TMEM204: variants seen among roughly 807,000 people sequenced by gnomAD.
TMEM204 encodes the protein claudin-like protein 24.
A neutral mutation model predicts 19.4 loss-of-function variants in TMEM204; 15 were observed. The observed-to-expected ratio is 0.77, with a 90% CI of 0.52 to 1.19. The LOEUF (loss-of-function observed/expected upper bound fraction) is 1.19, where lower values mean the gene tolerates loss of function less well. TMEM204 is among the 50% of genes most tolerant of loss of function. TMEM204 has a pLI of 0.00. For missense variants in TMEM204, 287 were observed against 321.2 expected, an observed-to-expected ratio of 0.89 and a Z score of 0.81; for synonymous variants, 161 against 146.0, an observed-to-expected ratio of 1.10 and a Z score of -0.74.
At chr16:1,541,337 T>G in intron 1 of TMEM204, 1 of 985,352 alleles carries the variant, frequency 1.0e-6, no homozygotes, top group South Asian at 4.7e-5. Context: ...GCTCAGCCCC[T>G]TGCTGGTTAT....
In TMEM204 at chr16:1,553,939, A is replaced by C; in HGVS notation, c.437-843A>C. The C allele has an allele frequency of 3.9e-6, 5 of 1,286,264 alleles. No individual in the cohort carries two copies. Among genetic ancestry groups the C allele is most frequent in the Non-Finnish European group, 5.1e-6 (5 of 987,938 alleles). The allele number at this position is 1,286,264 out of a possible 1,614,324, so 79.7% of individuals were successfully genotyped here. ...GGTCTTTGGAGCTCCTCAAAGATAA[A>C]ACTGTAAGTGAAACTGTAGCATCAG... On this transcript the variant is annotated intron_variant, in intron 2 of 2. Transcript: ENST00000566264. This position sits in a 1 kb window ranked among gnomAD's most constrained non-coding sequence, Gnocchi z 4.4.
At chr16:1,546,980 A>G (rs1415466548) in intron 2 of TMEM204, among the ~76,000 whole-genome samples, 1 of 152,188 alleles carries the variant, frequency 6.6e-6, no homozygotes, top group Non-Finnish European at 1.5e-5. Context: ...CGGTGCTCAC[A>G]TGACACTCTC....
chr16:1,542,657 G>A (rs1001768471), intron 2 of TMEM204, among the ~76,000 whole-genome samples: 5 of 152,268 alleles, frequency 3.3e-5, no homozygotes, highest in African/African-American at 2.4e-5. Context: ...GTGAGAACAC[G>A]CTAGCACGTT....
intron 2 of TMEM204, chr16:1,554,187 C>T: frequency 8.1e-7 from 1 of 1,228,988 alleles, no homozygotes; most frequent in East Asian, 5.7e-5. Flanking sequence ...TCCGCCCTGC[C>T]TGAGCTGCAG....
intron 2 of TMEM204, among the ~76,000 whole-genome samples, chr16:1,544,740 C>T (rs1010922204): frequency 3.9e-5 from 6 of 151,918 alleles, no homozygotes; most frequent in African/African-American, 1.5e-4. Flanking sequence ...GCTCCGCCTC[C>T]CGGGTTCACG....
At chr16:1,529,770 T>A (rs1228559206), upstream of TMEM204, among the ~76,000 whole-genome samples, 1 of 152,186 alleles carries the variant, frequency 6.6e-6, no homozygotes. Context: ...AAAACTAGTT[T>A]ATAAACGGCT....
intron 2 of TMEM204, among the ~76,000 whole-genome samples, chr16:1,552,460 T>A (rs1321069107): frequency 6.6e-6 from 1 of 152,034 alleles, no homozygotes; most frequent in African/African-American, 2.4e-5. Flanking sequence ...CGGCAGAAAG[T>A]GCCAGACCCC....
At chr16:1,544,248 A>G (rs2031940381) in intron 2 of TMEM204, among the ~76,000 whole-genome samples, 1 of 149,996 alleles carries the variant, frequency 6.7e-6, no homozygotes, top group Non-Finnish European at 1.5e-5. Context: ...CCGTGGCACA[A>G]TCTCGGCTCA....
intron 2 of TMEM204, among the ~76,000 whole-genome samples, chr16:1,544,909 A>G (rs915090337): frequency 2.6e-5 from 4 of 152,122 alleles, no homozygotes; most frequent in African/African-American, 7.2e-5. Context: ...CGGCCTCCCA[A>G]AGTGCTGGGA....
upstream of TMEM204, among the ~76,000 whole-genome samples, chr16:1,529,921 CTG>C (rs1263914831): frequency 6.6e-6 from 1 of 152,094 alleles, no homozygotes; most frequent in Non-Finnish European, 1.5e-5. Context: ...AAAAGAAACA[CTG>C]TGTCCTCACT....
chr16:1,553,310 G>C lies in TMEM204; in HGVS notation c.437-1472G>C, dbSNP rs1408976021. 1 of 983,880 alleles carries C rather than the reference G, an allele frequency of 1.0e-6. No individual in the cohort carries two copies. Among genetic ancestry groups the C allele is most frequent in the Admixed American group, 6.2e-5 (1 of 16,224 alleles). 60.9% of individuals were successfully genotyped at this position (983,880 alleles called of 1,614,324 possible). On this transcript the variant is annotated intron_variant, in intron 2 of 2. Coordinates refer to ENST00000566264, the MANE Select transcript of TMEM204 (RefSeq NM_024600.6). The surrounding 1 kb of genome is among the most constrained non-coding windows in gnomAD (Gnocchi z 4.4). ...TCTCTGCCTGTCTCTCTGTGTCTCT[G>C]TCTCTGTGTCTCTGTCCCTGTGTCT...
chr16:1,553,597 C>G lies in TMEM204; in HGVS notation c.437-1185C>G. 9.7e-7 allele frequency: 1 copy of G among 1,025,706 alleles called. No homozygotes were observed. Among genetic ancestry groups the G allele is most frequent in the Non-Finnish European group, 1.2e-6 (1 of 852,658 alleles). 63.5% of individuals were successfully genotyped at this position (1,025,706 alleles called of 1,614,324 possible). A position where few individuals can be genotyped will look rare whatever the true frequency, so the allele number is the denominator to read the frequency against. On this transcript the variant is annotated intron_variant, in intron 2 of 2. Transcript: ENST00000566264. This position sits in a 1 kb window ranked among gnomAD's most constrained non-coding sequence, Gnocchi z 4.4. ...AGTGTAAGTTACAGAGAGTCTCTGG[C>G]ACTTTGGGTACAAGAAACAGACTCA...
rs560685589 is a variant in TMEM204, at chr16:1,551,019, G to A, written c.437-3763G>A. On this transcript the variant is annotated intron_variant, in intron 2 of 2. Transcript: ENST00000566264. The surrounding 1 kb of genome is among the most constrained non-coding windows in gnomAD (Gnocchi z 4.0). ...GCGGCATCTACGTGATCTGGCCAAA[G>A]GGCTCTGTCCCTTTGAGGGGTCCTG... Among the ~76,000 whole-genome samples the A allele has an allele frequency of 4.6e-5, 7 of 152,344 alleles. No homozygotes were observed. In the South Asian group the frequency reaches 1.5e-3, roughly 32 times the overall value.
upstream of TMEM204, among the ~76,000 whole-genome samples, chr16:1,529,696 G>T (rs955771120): frequency 6.6e-6 from 1 of 152,192 alleles, no homozygotes; most frequent in Non-Finnish European, 1.5e-5. Flanking sequence ...GAAAACCAAG[G>T]CTTGTCTTTC....
At chr16:1,548,292 T>TGG (rs927690052) in intron 2 of TMEM204, among the ~76,000 whole-genome samples, 47 of 152,218 alleles carry the variant, frequency 3.1e-4, no homozygotes, top group African/African-American at 1.0e-3. Flanking sequence ...GGGTCAGCCC[T>TGG]GGGGTCTTTC....
rs202008327 is a variant in TMEM204, at chr16:1,538,113, T to C, written c.280+3558T>C. Among the ~76,000 whole-genome samples the C allele has an allele frequency of 9.8e-5, 15 of 152,306 alleles. No homozygotes were observed. In the East Asian group the frequency reaches 2.3e-3, roughly 24 times the overall value. On this transcript the variant is annotated intron_variant, in intron 1 of 2. Transcript: ENST00000566264. Reference sequence around the variant, plus strand: ...TGAACGCCAGCTCCAAACAGCTTTCTTGGGGCAGGCGGGAGCGTGGCTCAG... The same window carrying C: ...TGAACGCCAGCTCCAAACAGCTTTCCTGGGGCAGGCGGGAGCGTGGCTCAG...
At chr16:1,550,348 T>C (rs1395597180) in intron 2 of TMEM204, among the ~76,000 whole-genome samples, 1 of 152,242 alleles carries the variant, frequency 6.6e-6, no homozygotes, top group East Asian at 1.9e-4. Flanking sequence ...AGGGAGGTCA[T>C]GTCTGGATTA....
chr16:1,531,257 T>TC (rs1422988490), upstream of TMEM204: 1 of 152,152 alleles, frequency 6.6e-6, no homozygotes, highest in Non-Finnish European at 1.5e-5. This position sits in a 1 kb window ranked among gnomAD's most constrained non-coding sequence, Gnocchi z 4.7. Flanking sequence ...CATCTGCACT[T>TC]CATCAGCCCC....
intron 1 of TMEM204, among the ~76,000 whole-genome samples, chr16:1,535,575 G>A (rs1449795967): frequency 3.3e-5 from 5 of 152,196 alleles, no homozygotes; most frequent in South Asian, 2.1e-4. Flanking sequence ...GAGTACTGGG[G>A]TAACACACAT....
Sources: gnomAD v4.1 joint callset for allele counts (sites outside exome capture counted in the v4.1 genomes callset) on GRCh38, gnomAD v4.1.1 for gene constraint, Gnocchi (gnomAD v3.1) non-coding constraint, MANE v1.5 for transcripts, NCBI Gene and HGNC (gene_info 2026-07-23, HGNC 2026-07-21) for gene names.